Variants in PTPN9 observed in about 807,000 individuals in gnomAD.
The protein encoded by PTPN9 is protein tyrosine phosphatase non-receptor type 9.
In PTPN9, 26 loss-of-function variants were observed where a neutral mutation model predicts 69.8. The observed-to-expected ratio is 0.37, with a 90% CI of 0.27 to 0.52. The LOEUF (loss-of-function observed/expected upper bound fraction) is 0.52, where lower values mean the gene tolerates loss of function less well. Among genes scored for constraint, PTPN9 ranks in the 20% least tolerant of loss-of-function variants. The pLI is 0.91. For missense variants in PTPN9, 549 were observed against 740.3 expected, an observed-to-expected ratio of 0.74 and a Z score of 3.00; for synonymous variants, 274 against 272.5, an observed-to-expected ratio of 1.01 and a Z score of -0.05.
At chr15:75,559,295 G>C (rs1316577527) in intron 1 of PTPN9, among the ~76,000 whole-genome samples, 7 of 152,180 alleles carry the variant, frequency 4.6e-5, no homozygotes, top group African/African-American at 1.7e-4. Context: ...ATTGAGAACG[G>C]GCCATGACGA....
rs149279759 is a variant in PTPN9 at position 75,505,702 on chromosome 15, T to A, written c.941A>T (p.Asn314Ile). Residue 314 changes from asparagine to isoleucine, a missense_variant, in exon 7 of 13, where the codon AAC becomes ATC. Around this residue, in one of 3 missense-constraint regions of PTPN9, gnomAD observed 457 missense variants for 661.9 expected, o/e 0.69. Coordinates refer to ENST00000618819, the MANE Select transcript of PTPN9 (RefSeq NM_002833.4). ...GGAACAGTGGAAAGTGCCAACAGGG[T>A]TCTCACGACGAATGTCTTCATATTC... The part of the protein sequence containing the change: ...YEEYEDIRRE[N>I]PVGTFHCSMS... 1,640 of 1,613,916 alleles carry A rather than the reference T, an allele frequency of 1.0e-3. 1 individual carries two copies. The highest frequency in any genetic ancestry group is 1.3e-3 in the Non-Finnish European group (1,530 of 1,179,918).
chr15:75,523,388 A>G (rs1372545561), intron 3 of PTPN9, 143 bp from the exon 4 acceptor site: 11 of 928,388 alleles, frequency 1.2e-5, no homozygotes, highest in African/African-American at 3.3e-5. Flanking sequence ...ATTGCTGTCC[A>G]AAGGGAAGAG....
At chr15:75,486,148 A>T (rs2141296894) in intron 8 of PTPN9, among the ~76,000 whole-genome samples, 1 of 152,106 alleles carries the variant, frequency 6.6e-6, no homozygotes, top group East Asian at 1.9e-4. Context: ...GATAAAGTAT[A>T]CACTTGGGGG....
At position 75,574,608 on chromosome 15, in the gene PTPN9, CAGA is replaced by C. The variant is rs2075163035; in HGVS notation, c.63+4103_63+4105del. 3.9e-5 allele frequency among the ~76,000 whole-genome samples: 6 copies of C among 152,192 alleles called. No individual in the cohort carries two copies. In the South Asian group the frequency reaches 1.2e-3, roughly 32 times the overall value. On this transcript the variant is annotated intron_variant, in intron 1 of 12. Transcript: ENST00000618819. ...TGGGTTTCTGATTCATATGACTGTA[CAGA>C]AGGAGATACCACTCAGGAGGTATTC... is the stretch of plus-strand genomic sequence containing the variant.
rs148600930 is a variant in PTPN9 at position 75,498,855 on chromosome 15, T to C, written c.968+6820A>G. Among the ~76,000 whole-genome samples the C allele has an allele frequency of 2.1e-4, 32 of 152,310 alleles. No homozygotes were observed. The East Asian group carries it at 5.8e-3, about 28-fold the overall frequency. The stretch of plus-strand genomic sequence containing the variant: ...TCTGTATCTTGATTATGGTGACAGA[T>C]ACACAAACCTACATGTGTGACAAAA... On this transcript the variant is annotated intron_variant, in intron 7 of 12. Transcript: ENST00000618819.
chr15:75,473,968 T>C (rs2074582617), intron 9 of PTPN9, among the ~76,000 whole-genome samples: 2 of 152,094 alleles, frequency 1.3e-5, no homozygotes, highest in Admixed American at 1.3e-4. Context: ...GAAACATGAA[T>C]CTGCATGTCA....
chr15:75,560,652 G>C lies in PTPN9; in HGVS notation c.63+18062C>G, dbSNP rs572202260. The stretch of plus-strand genomic sequence containing the variant: ...TCTGGGAGGCCAAAAGAGGAGGATT[G>C]CTTGAGCCCAGGAGCACGAGACCAG... On this transcript the variant is annotated intron_variant, in intron 1 of 12. Transcript: ENST00000618819. 1.3e-4 allele frequency among the ~76,000 whole-genome samples: 20 copies of C among 152,234 alleles called. 1 individual carries two copies. The East Asian group carries it at 3.9e-3, about 29-fold the overall frequency.
intron 1 of PTPN9, among the ~76,000 whole-genome samples, chr15:75,535,550 C>T (rs566366943): frequency 9.2e-5 from 14 of 152,136 alleles, no homozygotes; most frequent in Middle Eastern, 6.8e-3. Context: ...GAACAAACAC[C>T]ATGAAAAAAT....
intron 8 of PTPN9, among the ~76,000 whole-genome samples, chr15:75,484,824 G>GTGATA (rs2074664706): frequency 6.6e-6 from 1 of 152,088 alleles, no homozygotes; most frequent in African/African-American, 2.4e-5. Context: ...CCTATCACTG[G>GTGATA]GTGGGCAGTC....
chr15:75,529,019 C>T (rs1197276178), intron 1 of PTPN9, among the ~76,000 whole-genome samples: 1 of 151,616 alleles, frequency 6.6e-6, no homozygotes, highest in African/African-American at 2.4e-5. Context: ...GATAGTCTCA[C>T]TCTGTCACCC....
At chr15:75,501,222 AAG>A (rs1222981717) in intron 7 of PTPN9, among the ~76,000 whole-genome samples, 1 of 152,162 alleles carries the variant, frequency 6.6e-6, no homozygotes, top group African/African-American at 2.4e-5. Context: ...CAGGAGTTAC[AAG>A]AGAGAAGAGG....
intron 1 of PTPN9, 53 bp downstream of exon 1, chr15:75,578,661 G>A: frequency 7.8e-7 from 1 of 1,287,904 alleles, no homozygotes; most frequent in African/African-American, 1.6e-5. Flanking sequence ...AGAGGCCGGC[G>A]TAGGCCTCGG....
chr15:75,472,088 T>G (rs2074569824), intron 10 of PTPN9, among the ~76,000 whole-genome samples: 1 of 152,208 alleles, frequency 6.6e-6, no homozygotes, highest in Non-Finnish European at 1.5e-5. Context: ...CATTCATTTT[T>G]TTCCTTCCTC....
chr15:75,532,337 G>T (rs980630082), intron 1 of PTPN9, among the ~76,000 whole-genome samples: 4 of 152,076 alleles, frequency 2.6e-5, no homozygotes, highest in Non-Finnish European at 5.9e-5. Flanking sequence ...AGGAGGCAGA[G>T]GTTGCAGTGA....
chr15:75,578,897 G>C lies in PTPN9; in HGVS notation c.-121C>G. On this transcript the variant is annotated 5_prime_UTR_variant, in exon 1 of 13. Transcript: ENST00000618819. ...CCCGGGGCCGGCTCGCGCATAGTGT[G>C]GCCGGCAGGGCCCGGCGCCTGCAGC... The C allele has an allele frequency of 1.7e-6, 1 of 581,944 alleles. No individual in the cohort carries two copies. The highest frequency in any genetic ancestry group is 2.4e-6 in the Non-Finnish European group (1 of 416,434). The allele number at this position is 581,944 out of a possible 1,614,324, so 36.0% of individuals were successfully genotyped here. A position where few individuals can be genotyped will look rare whatever the true frequency, so the allele number is the denominator to read the frequency against.
intron 8 of PTPN9, 149 bp from the exon 9 acceptor site, chr15:75,480,063 C>G (rs1595947188): frequency 1.8e-6 from 1 of 557,212 alleles, no homozygotes; most frequent in East Asian, 3.1e-5. Flanking sequence ...CTCAAACCCT[C>G]ACTTCAATAA....
chr15:75,525,716 G>A (rs1310263475), intron 2 of PTPN9, among the ~76,000 whole-genome samples: 2 of 150,842 alleles, frequency 1.3e-5, no homozygotes, highest in East Asian at 2.0e-4. Context: ...TCAGGAGTTC[G>A]AGACCAGCCT....
chr15:75,491,519 T>C (rs1011865125), intron 7 of PTPN9, among the ~76,000 whole-genome samples: 17 of 151,996 alleles, frequency 1.1e-4, no homozygotes, highest in Non-Finnish European at 2.2e-4. Flanking sequence ...AACAAATAAC[T>C]AAAAATGTGG....
At chr15:75,556,704 C>A (rs1227963723) in intron 1 of PTPN9, among the ~76,000 whole-genome samples, 6 of 152,138 alleles carry the variant, frequency 3.9e-5, no homozygotes, top group Non-Finnish European at 8.8e-5. Context: ...GTAAAATATA[C>A]CTAACAATAT....
Sources: allele counts gnomAD v4.1 joint callset (sites outside exome capture counted in the v4.1 genomes callset), GRCh38; gene constraint gnomAD v4.1.1; regional missense constraint gnomAD v4.1.1; transcripts MANE v1.5; gene names NCBI Gene and HGNC (gene_info 2026-07-23, HGNC 2026-07-21).